Variants in ATP9A observed in about 807,000 individuals in gnomAD.
ATP9A encodes the protein probable phospholipid-transporting ATPase IIA.
In ATP9A, 52 loss-of-function variants were observed where a neutral mutation model predicts 144.1. The ratio of observed to expected loss-of-function variants is 0.36; its 90% CI spans 0.29 to 0.45. The LOEUF (loss-of-function observed/expected upper bound fraction) is 0.45. ATP9A is among the 20% of genes least tolerant of loss of function. The probability of loss-of-function intolerance (pLI) is 1.00; values close to 1 mark genes in which losing one functional copy is unlikely to be tolerated. For missense variants in ATP9A, 947 were observed against 1,392.7 expected, an observed-to-expected ratio of 0.68 and a Z score of 5.09; for synonymous variants, 582 against 557.4, an observed-to-expected ratio of 1.04 and a Z score of -0.62.
Position 51,608,922 on chromosome 20 carries a change from CGT to C in ATP9A, c.2637-298_2637-297del, listed in dbSNP as rs1214031645. Among the ~76,000 whole-genome samples, 778 of 142,896 alleles carry C rather than the reference CGT, an allele frequency of 5.4e-3. 1 individual carries two copies. The highest frequency in any genetic ancestry group is 6.5e-3 in the Non-Finnish European group (431 of 66,140). 93.7% of individuals were successfully genotyped at this position (142,896 alleles called of 152,430 possible). A position where few individuals can be genotyped will look rare whatever the true frequency, so the allele number is the denominator to read the frequency against. ...ATATAATGGGGTAGAGGAAATAAGA[CGT>C]GTGTGTGTGTGTGTGTGTGTGTGTG... On this transcript the variant is annotated intron_variant, in intron 24 of 27. Transcript: ENST00000338821.
chr20:51,654,837 C>G (rs1404206647), intron 14 of ATP9A, among the ~76,000 whole-genome samples: 1 of 152,192 alleles, frequency 6.6e-6, no homozygotes, highest in Non-Finnish European at 1.5e-5. Context: ...TGGCACAGAT[C>G]TGGAGGCACA....
chr20:51,629,016 A>G lies in ATP9A; in HGVS notation c.1725T>C (p.Ala575=), dbSNP rs1483091096. ...FYMKGADVVM[A]GIVQYNDWLE... ...ACCAGTCATTGTACTGCACAATGCCAGCCATGACCACATCTGCTCCCTTCA... is the reference window on the plus strand; with the variant it reads ...ACCAGTCATTGTACTGCACAATGCCGGCCATGACCACATCTGCTCCCTTCA... Residue 575 remains alanine, a synonymous_variant, in exon 16 of 28, where the codon GCT becomes GCC. Coordinates refer to ENST00000338821, the MANE Select transcript of ATP9A (RefSeq NM_006045.3). 1 of 1,614,064 alleles carries G rather than the reference A, an allele frequency of 6.2e-7. No homozygotes were observed. The highest frequency in any genetic ancestry group is 2.2e-5 in the East Asian group (1 of 44,896).
Position 51,627,733 on chromosome 20 carries a change from C to T in ATP9A, c.1762-50G>A, listed in dbSNP as rs1376602887. 3 of 1,508,842 alleles carry T rather than the reference C, an allele frequency of 2.0e-6. No individual in the cohort carries two copies. The African/African-American group carries it at 4.1e-5, about 21-fold the overall frequency. 93.5% of individuals were successfully genotyped at this position (1,508,842 alleles called of 1,614,324 possible). A position where few individuals can be genotyped will look rare whatever the true frequency, so the allele number is the denominator to read the frequency against. On this transcript the variant is annotated intron_variant, in intron 16 of 27. Coordinates refer to ENST00000338821, the MANE Select transcript of ATP9A (RefSeq NM_006045.3). Reference sequence around the variant, plus strand: ...GGGAGCGGTGCTGAGAGCTCCTGACCTCACTGGGGAAGGACCAGTGCCCAA... The same window carrying T: ...GGGAGCGGTGCTGAGAGCTCCTGACTTCACTGGGGAAGGACCAGTGCCCAA...
At chr20:51,696,809 A>C (rs2077572561) in intron 5 of ATP9A, among the ~76,000 whole-genome samples, 1 of 152,214 alleles carries the variant, frequency 6.6e-6, no homozygotes, top group Non-Finnish European at 1.5e-5. Context: ...GTTAAGACAC[A>C]ACCCTTTTCT....
chr20:51,685,024 A>T (rs71338430), intron 9 of ATP9A, among the ~76,000 whole-genome samples: 103,934 of 139,438 alleles, frequency 0.75, 38,435 homozygotes, highest in African/African-American at 0.83. Flanking sequence ...AAATAAAAAA[A>T]AAAAAAAAAA....
intron 9 of ATP9A, among the ~76,000 whole-genome samples, chr20:51,684,026 A>C (rs1461059108): frequency 1.3e-5 from 2 of 152,210 alleles, no homozygotes; most frequent in Admixed American, 1.3e-4. Flanking sequence ...TCTACAAAAA[A>C]TACAAAAACT....
At chr20:51,687,861 A>G (rs1037268212) in intron 9 of ATP9A, among the ~76,000 whole-genome samples, 11 of 151,984 alleles carry the variant, frequency 7.2e-5, no homozygotes, top group African/African-American at 2.7e-4. Context: ...GGAGAATACT[A>G]TGTTTGAAGA....
At chr20:51,736,009 G>T (rs1216614134) in intron 1 of ATP9A, among the ~76,000 whole-genome samples, 1 of 152,218 alleles carries the variant, frequency 6.6e-6, no homozygotes, top group African/African-American at 2.4e-5. Context: ...GGGCCAGAGA[G>T]TGAATGAGGA....
chr20:51,609,691 G>A (rs1446083887), intron 24 of ATP9A, among the ~76,000 whole-genome samples: 1 of 152,178 alleles, frequency 6.6e-6, no homozygotes, highest in African/African-American at 2.4e-5. Flanking sequence ...GGAGCTCCAA[G>A]GATGGGACTT....
rs188500948 is a variant in ATP9A at position 51,642,038 on chromosome 20, G to A, written c.1507-2534C>T. Among the ~76,000 whole-genome samples, 16 of 152,076 alleles carry A rather than the reference G, an allele frequency of 1.1e-4. No individual in the cohort carries two copies. In the Middle Eastern group the frequency reaches 0.01, roughly 97 times the overall value. ...GATTTTTTGTAGACACTGTACCTTT[G>A]GACTTGGATGGGAATAAAGTGACAG... On this transcript the variant is annotated intron_variant, in intron 14 of 27. Coordinates refer to ENST00000338821, the MANE Select transcript of ATP9A (RefSeq NM_006045.3).
intron 14 of ATP9A, among the ~76,000 whole-genome samples, chr20:51,647,511 A>C (rs2077346779): frequency 1.3e-5 from 2 of 151,170 alleles, no homozygotes; most frequent in Non-Finnish European, 1.5e-5. Flanking sequence ...AGATTGTGGC[A>C]CTGTACTCCA....
At chr20:51,640,122 A>G (rs2122747790) in intron 14 of ATP9A, among the ~76,000 whole-genome samples, 1 of 151,994 alleles carries the variant, frequency 6.6e-6, no homozygotes, top group East Asian at 1.9e-4. Flanking sequence ...CGAAAAAAGG[A>G]GCAATTGGCA....
At chr20:51,648,382 C>T (rs141919734) in intron 14 of ATP9A, among the ~76,000 whole-genome samples, 17 of 152,294 alleles carry the variant, frequency 1.1e-4, no homozygotes, top group Non-Finnish European at 2.2e-4. Context: ...CTTTTACACA[C>T]ATGGTCAAAG....
At chr20:51,680,358 C>A (rs6021375) in intron 9 of ATP9A, among the ~76,000 whole-genome samples, 41,371 of 151,824 alleles carry the variant, frequency 0.27, 6,731 homozygotes, top group African/African-American at 0.45. Context: ...TCCCTCTCCA[C>A]TAAAAGTTTG....
chr20:51,652,704 C>A (rs922470651), intron 14 of ATP9A, among the ~76,000 whole-genome samples: 6 of 152,178 alleles, frequency 3.9e-5, no homozygotes, highest in Non-Finnish European at 8.8e-5. Context: ...AATGACTATA[C>A]CTTTAGTAAG....
At chr20:51,660,121 C>T (rs959822365) in intron 13 of ATP9A, among the ~76,000 whole-genome samples, 10 of 152,256 alleles carry the variant, frequency 6.6e-5, no homozygotes, top group African/African-American at 1.9e-4. Flanking sequence ...GCCACGAACA[C>T]GTGTCTTCAT....
chr20:51,601,170 G>C lies in ATP9A; in HGVS notation c.*41C>G. 1 of 1,549,262 alleles carries C rather than the reference G, an allele frequency of 6.5e-7. No homozygotes were observed. Among genetic ancestry groups the C allele is most frequent in the Non-Finnish European group, 8.7e-7 (1 of 1,148,580 alleles). ...ATGGAACTTGAGCTCTGTCCATCAG[G>C]GAAGCGCCAAGACCAGGGCCCCCTC... On this transcript the variant is annotated 3_prime_UTR_variant, in exon 28 of 28. Transcript: ENST00000338821.
intron 22 of ATP9A, among the ~76,000 whole-genome samples, chr20:51,614,134 T>C (rs991356330): frequency 2.6e-5 from 4 of 152,102 alleles, no homozygotes; most frequent in Non-Finnish European, 1.5e-5. Flanking sequence ...AAATAGATAT[T>C]TTAAAACATT....
intron 9 of ATP9A, 46 bp downstream of exon 9, chr20:51,689,018 C>T (rs756837056): frequency 1.3e-6 from 2 of 1,573,250 alleles, no homozygotes; most frequent in Non-Finnish European, 1.7e-6. Context: ...AAAGGATTTT[C>T]TTTCCTTTTC....
Sources: allele counts gnomAD v4.1 joint callset (sites outside exome capture counted in the v4.1 genomes callset), GRCh38; gene constraint gnomAD v4.1.1; transcripts MANE v1.5; gene names NCBI Gene and HGNC (gene_info 2026-07-23, HGNC 2026-07-21).